Variants in UBE2J1 observed in about 807,000 individuals in gnomAD.
UBE2J1 encodes the protein ubiquitin conjugating enzyme E2 J1.
A neutral mutation model predicts 42.1 loss-of-function variants in UBE2J1; 17 were observed. The ratio of observed to expected loss-of-function variants is 0.40; its 90% CI spans 0.28 to 0.61. The LOEUF (loss-of-function observed/expected upper bound fraction) is 0.61. Ranked by LOEUF, UBE2J1 falls within the 20% of genes least tolerant of loss-of-function variation. The probability of loss-of-function intolerance (pLI) is 0.38; values close to 1 mark genes in which losing one functional copy is unlikely to be tolerated. For synonymous variants in UBE2J1, 127 were observed against 137.2 expected (o/e 0.93, Z 0.52); for missense variants, 291 against 389.4 (o/e 0.75, Z 2.13).
intron 6 of UBE2J1, among the ~76,000 whole-genome samples, chr6:89,334,164 G>A (rs1198870752): frequency 1.3e-5 from 2 of 150,490 alleles, no homozygotes; most frequent in African/African-American, 4.9e-5. Context: ...CCACCATGCC[G>A]AGCTAATTTT....
Position 89,352,587 on chromosome 6 carries a change from G to A in UBE2J1, c.-18C>T. 6.4e-7 allele frequency: 1 copy of A among 1,559,466 alleles called. No individual in the cohort carries two copies. The highest frequency in any genetic ancestry group is 8.6e-7 in the Non-Finnish European group (1 of 1,160,362). ...GTCTCCATGGTGGGTCGCTGGCTTG[G>A]CTCCGGCCTCCCGGGCCGCTGCCAC... is the stretch of plus-strand genomic sequence containing the variant. On this transcript the variant is annotated 5_prime_UTR_variant, in exon 1 of 8. Transcript: ENST00000435041.
chr6:89,338,948 A>T (rs1277311648), intron 3 of UBE2J1, among the ~76,000 whole-genome samples: 1 of 151,962 alleles, frequency 6.6e-6, no homozygotes. Flanking sequence ...TACAGGCATG[A>T]GCCACCGCGC....
At chr6:89,333,022 C>T in intron 7 of UBE2J1, 64 bp downstream of exon 7, 2 of 1,403,040 alleles carry the variant, frequency 1.4e-6, no homozygotes, top group Non-Finnish European at 1.9e-6. Flanking sequence ...AGGATCTTCT[C>T]CTCCTATTGC....
intron 3 of UBE2J1, among the ~76,000 whole-genome samples, chr6:89,342,046 C>A (rs1418284932): frequency 6.6e-6 from 1 of 152,038 alleles, no homozygotes; most frequent in African/African-American, 2.4e-5. Flanking sequence ...TTATGAAGTG[C>A]CAGATGTGTA....
At chr6:89,336,332 C>A (rs1450984320) in intron 5 of UBE2J1, among the ~76,000 whole-genome samples, 2 of 151,914 alleles carry the variant, frequency 1.3e-5, no homozygotes, top group Admixed American at 6.6e-5. Flanking sequence ...GTTCTATCAC[C>A]CAGGCTGGAA....
chr6:89,335,380 C>T lies in UBE2J1; in HGVS notation c.480G>A (p.Leu160=), dbSNP rs1326001531. ...EGCGSAMKDV[L]LPLKSGSDSS... ...AATCGCTTCCAGATTTTAAAGGCAA[C>T]AGGACATCCTTCATGGCAGAGCCAC... Residue 160 remains leucine (L), a synonymous_variant, in exon 6 of 8, where the codon CTG becomes CTA. Coordinates refer to ENST00000435041, the MANE Select transcript of UBE2J1 (RefSeq NM_016021.3). The T allele has an allele frequency of 3.1e-6, 5 of 1,607,752 alleles. No individual in the cohort carries two copies. Among genetic ancestry groups the T allele is most frequent in the Non-Finnish European group, 4.3e-6 (5 of 1,176,062 alleles).
At chr6:89,343,783 T>C in intron 1 of UBE2J1, 27 bp from the exon 2 acceptor site, 2 of 1,473,262 alleles carry the variant, frequency 1.4e-6, no homozygotes, top group Non-Finnish European at 1.9e-6. Flanking sequence ...AAAATAGAGA[T>C]ATTTAAAATA....
chr6:89,343,783 T>A, intron 1 of UBE2J1, 27 bp from the exon 2 acceptor site: 2 of 1,473,258 alleles, frequency 1.4e-6, no homozygotes, highest in Non-Finnish European at 1.9e-6. Flanking sequence ...AAAATAGAGA[T>A]ATTTAAAATA....
At position 89,328,987 on chromosome 6, in the gene UBE2J1, T is replaced by C. The variant is rs1767954004; in HGVS notation, c.*692A>G. 6.6e-6 allele frequency: 1 copy of C among 152,192 alleles called. No homozygotes were observed. Among genetic ancestry groups the C allele is most frequent in the Non-Finnish European group, 1.5e-5 (1 of 68,034 alleles). The allele number at this position is 152,192 out of a possible 1,614,324, so 9.4% of individuals were successfully genotyped here. On this transcript the variant is annotated 3_prime_UTR_variant, in exon 8 of 8. Transcript: ENST00000435041. ...ATCTATGGAAGACTGTTTTCTTTCT[T>C]TTTAAATTTGTGTGATTATGGCAGC...
intron 6 of UBE2J1, among the ~76,000 whole-genome samples, chr6:89,334,696 G>A (rs1768076975): frequency 6.6e-6 from 1 of 151,536 alleles, no homozygotes; most frequent in African/African-American, 2.4e-5. Flanking sequence ...TCGAACTCCT[G>A]ACTTCAGGTG....
chr6:89,333,885 G>A (rs763167287), intron 6 of UBE2J1, among the ~76,000 whole-genome samples: 17 of 152,242 alleles, frequency 1.1e-4, no homozygotes, highest in African/African-American at 3.9e-4. Flanking sequence ...GAGAAGTGGA[G>A]AGGGAAGAGG....
chr6:89,349,658 G>T (rs1768429689), intron 1 of UBE2J1, among the ~76,000 whole-genome samples: 1 of 152,146 alleles, frequency 6.6e-6, no homozygotes, highest in Non-Finnish European at 1.5e-5. Context: ...GGGAAATGAA[G>T]ATGTTGAGTC....
intron 7 of UBE2J1, among the ~76,000 whole-genome samples, 166 bp downstream of exon 7, chr6:89,332,920 T>C (rs1466502590): frequency 6.6e-6 from 1 of 152,192 alleles, no homozygotes; most frequent in Admixed American, 6.5e-5. Flanking sequence ...CCAGAAAGCA[T>C]GAACAACTTG....
chr6:89,336,978 T>G (rs991109489), intron 5 of UBE2J1, among the ~76,000 whole-genome samples: 1 of 151,982 alleles, frequency 6.6e-6, no homozygotes, highest in Non-Finnish European at 1.5e-5. Context: ...TAGCTGAGAC[T>G]ACAGGCACGT....
Position 89,338,239 on chromosome 6 carries a change from A to C in UBE2J1, c.394T>G (p.Tyr132Asp). 1.2e-6 allele frequency: 2 copies of C among 1,613,770 alleles called. No homozygotes were observed. The highest frequency in any genetic ancestry group is 1.7e-6 in the Non-Finnish European group (2 of 1,179,856). ...KGEGAIGSLD[Y>D]TPEERRALAK... ...AGTGCTCTTCTTTCCTCAGGAGTGT[A>C]ATCTAGAGAACCTATGGCTCCCTCT... Residue 132 changes from tyrosine to aspartate, a missense_variant, in exon 5 of 8, where the codon TAC (tyrosine) becomes GAC (aspartate). Tyr to Asp is a radical substitution (Grantham distance 160, BLOSUM62 -3). This residue lies in a region of UBE2J1 where 115 missense variants were observed against 193.1 expected (regional missense o/e 0.60). Coordinates refer to ENST00000435041, the MANE Select transcript of UBE2J1 (RefSeq NM_016021.3).
chr6:89,348,375 A>G (rs1037288303), intron 1 of UBE2J1, among the ~76,000 whole-genome samples: 2 of 152,224 alleles, frequency 1.3e-5, no homozygotes, highest in African/African-American at 4.8e-5. Flanking sequence ...TGGGGTTTGT[A>G]TACAGCTAAA....
chr6:89,343,275 A>G (rs558721212), intron 2 of UBE2J1, among the ~76,000 whole-genome samples: 1 of 152,122 alleles, frequency 6.6e-6, no homozygotes, highest in South Asian at 2.1e-4. Context: ...TCTCTACTAA[A>G]AATACAAAAA....
intron 1 of UBE2J1, among the ~76,000 whole-genome samples, chr6:89,345,309 A>G (rs1242672012): frequency 1.3e-5 from 2 of 152,224 alleles, no homozygotes; most frequent in Non-Finnish European, 2.9e-5. Flanking sequence ...TTTGCATAAA[A>G]TTGCATTTGA....
chr6:89,329,422 G>GA lies in UBE2J1; in HGVS notation c.*256dup, dbSNP rs1410729393. 1.1e-5 allele frequency: 5 copies of GA among 444,352 alleles called. No individual in the cohort carries two copies. Among genetic ancestry groups the GA allele is most frequent in the African/African-American group, 6.1e-5 (3 of 48,866 alleles). 27.5% of individuals were successfully genotyped at this position (444,352 alleles called of 1,614,324 possible). A position where few individuals can be genotyped will look rare whatever the true frequency, so the allele number is the denominator to read the frequency against. On this transcript the variant is annotated 3_prime_UTR_variant, in exon 8 of 8. Transcript: ENST00000435041. ...TACATAAAAAGAAGATGAAACATGA[G>GA]AAAAAACAAGTTATTTCCCTGCAAA...
Sources: gnomAD v4.1 joint callset for allele counts (sites outside exome capture counted in the v4.1 genomes callset) on GRCh38, gnomAD v4.1.1 for gene constraint, gnomAD v4.1.1 regional missense constraint, MANE v1.5 for transcripts, NCBI Gene and HGNC (gene_info 2026-07-23, HGNC 2026-07-21) for gene names.